RYR2: variants seen among roughly 807,000 people sequenced by gnomAD.
RYR2 encodes ryanodine receptor 2.
In RYR2, 227 loss-of-function variants were observed where a neutral mutation model predicts 601.1. The observed-to-expected ratio is 0.38, with a 90% CI of 0.34 to 0.42. RYR2 has a LOEUF of 0.42. Among genes scored for constraint, RYR2 ranks in the 10% least tolerant of loss-of-function variants. The pLI, the probability that RYR2 is intolerant of heterozygous loss-of-function variation, is 1.00. For missense variants in RYR2, 4,646 were observed against 6,156.5 expected, an observed-to-expected ratio of 0.75 and a Z score of 8.21; for synonymous variants, 2,223 against 2,175.1, an observed-to-expected ratio of 1.02 and a Z score of -0.61.
intron 74 of RYR2, among the ~76,000 whole-genome samples, chr1:237,723,869 C>A (rs1437012751): frequency 6.6e-6 from 1 of 152,030 alleles, no homozygotes; most frequent in African/African-American, 2.4e-5. Context: ...ATATTCATTA[C>A]CTTTGCACAA....
At chr1:237,573,496 G>T (rs868720062) in intron 29 of RYR2, among the ~76,000 whole-genome samples, 13 of 149,870 alleles carry the variant, frequency 8.7e-5, no homozygotes, top group African/African-American at 2.9e-4. Flanking sequence ...ATCCAGGGGG[G>T]AGCTATGGCT....
chr1:237,529,634 T>C (rs781355862), intron 24 of RYR2, among the ~76,000 whole-genome samples: 4 of 152,094 alleles, frequency 2.6e-5, no homozygotes, highest in Admixed American at 6.6e-5. Context: ...CCCAAAATAT[T>C]ATGCCGTTAT....
chr1:237,483,199 A>G (rs16835306), intron 17 of RYR2, among the ~76,000 whole-genome samples: 6,353 of 152,244 alleles, frequency 0.042, 220 homozygotes, highest in African/African-American at 0.087. Flanking sequence ...AGTGTTGTCC[A>G]TTCAGCATTT....
chr1:237,181,371 G>A (rs1242784374), intron 1 of RYR2, among the ~76,000 whole-genome samples: 1 of 152,086 alleles, frequency 6.6e-6, no homozygotes, highest in Non-Finnish European at 1.5e-5. Flanking sequence ...GAAGACACAG[G>A]AAAAGTAAGT....
chr1:237,563,484 T>G (rs1345158508), intron 27 of RYR2, among the ~76,000 whole-genome samples: 4 of 151,990 alleles, frequency 2.6e-5, no homozygotes, highest in Admixed American at 6.6e-5. Context: ...CCTTTTTTTT[T>G]TGTGAAGTCC....
intron 24 of RYR2, among the ~76,000 whole-genome samples, chr1:237,526,353 C>CTT (rs775614018): frequency 1.4e-5 from 2 of 144,346 alleles, no homozygotes; most frequent in Non-Finnish European, 3.1e-5. Context: ...CTTTTCTTTT[C>CTT]TTTTTTTTTT....
chr1:237,363,419 A>G (rs1181004425), intron 4 of RYR2, among the ~76,000 whole-genome samples: 1 of 152,098 alleles, frequency 6.6e-6, no homozygotes, highest in Non-Finnish European at 1.5e-5. Context: ...CTTTAATAAT[A>G]TACATATTAC....
At chr1:237,107,939 A>T (rs905300495) in intron 1 of RYR2, among the ~76,000 whole-genome samples, 1 of 150,762 alleles carries the variant, frequency 6.6e-6, no homozygotes, top group African/African-American at 2.4e-5. Context: ...AAAAGCCTCT[A>T]CTCCTTTGTG....
chr1:237,479,172 T>C (rs1317393069), intron 17 of RYR2, among the ~76,000 whole-genome samples: 1 of 152,204 alleles, frequency 6.6e-6, no homozygotes, highest in Non-Finnish European at 1.5e-5. Flanking sequence ...TATTCTCAGG[T>C]CTGAAGTGAT....
intron 1 of RYR2, among the ~76,000 whole-genome samples, chr1:237,196,238 TA>T (rs1316467740): frequency 6.6e-6 from 1 of 152,156 alleles, no homozygotes. Flanking sequence ...AGACAAAATT[TA>T]AAAAAATTTT....
At chr1:237,551,734 A>C (rs538749474) in intron 27 of RYR2, among the ~76,000 whole-genome samples, 12 of 152,308 alleles carry the variant, frequency 7.9e-5, no homozygotes, top group African/African-American at 2.9e-4. Context: ...TCATATTTTC[A>C]GTGCATTACC....
intron 66 of RYR2, among the ~76,000 whole-genome samples, chr1:237,704,777 A>C (rs538586795): frequency 6.6e-6 from 1 of 152,244 alleles, no homozygotes; most frequent in South Asian, 2.1e-4. Flanking sequence ...TTTTGAAAAA[A>C]ATAGATATTT....
At chr1:237,714,365 CTGAT>C in intron 71 of RYR2, among the ~76,000 whole-genome samples, 1 of 152,170 alleles carries the variant, frequency 6.6e-6, no homozygotes, top group South Asian at 2.1e-4. Flanking sequence ...GAGAAAGAAA[CTGAT>C]AGGATAGTCA....
At chr1:237,062,331 A>G (rs534662959) in intron 1 of RYR2, among the ~76,000 whole-genome samples, 1 of 152,340 alleles carries the variant, frequency 6.6e-6, no homozygotes, top group South Asian at 2.1e-4. Context: ...GAGAAGAATT[A>G]ACATCTTTTC....
At chr1:237,345,562 A>T (rs1022007910) in intron 3 of RYR2, among the ~76,000 whole-genome samples, 2 of 151,980 alleles carry the variant, frequency 1.3e-5, no homozygotes, top group Non-Finnish European at 2.9e-5. Context: ...GTATTACATG[A>T]GCTGGAATTT....
chr1:237,270,671 G>T (rs1488044373), intron 2 of RYR2, 55 bp downstream of exon 2: 1 of 1,538,530 alleles, frequency 6.5e-7, no homozygotes, highest in Non-Finnish European at 8.8e-7. Flanking sequence ...TAGTGGCATT[G>T]AAGTTATTTA....
intron 84 of RYR2, among the ~76,000 whole-genome samples, chr1:237,762,517 G>A (rs1357150): frequency 0.52 from 79,473 of 151,970 alleles, 21,027 homozygotes; most frequent in Non-Finnish European, 0.57. Context: ...GGCTCCTACC[G>A]CAAATCCATA....
chr1:237,304,854 T>C (rs1693716979), intron 2 of RYR2, among the ~76,000 whole-genome samples: 1 of 152,074 alleles, frequency 6.6e-6, no homozygotes, highest in South Asian at 2.1e-4. Flanking sequence ...CTAGAATACA[T>C]AGAGTATTAT....
intron 1 of RYR2, among the ~76,000 whole-genome samples, chr1:237,207,246 T>G (rs1194213607): frequency 1.3e-5 from 2 of 152,016 alleles, no homozygotes; most frequent in African/African-American, 4.8e-5. Context: ...GCTCCTGCCT[T>G]ATGAATGGGA....
Sources: gnomAD v4.1 joint callset for allele counts (sites outside exome capture counted in the v4.1 genomes callset) on GRCh38, gnomAD v4.1.1 for gene constraint, MANE v1.5 for transcripts, NCBI Gene and HGNC (gene_info 2026-07-23, HGNC 2026-07-21) for gene names.